NEBL: variants seen among roughly 807,000 people sequenced by gnomAD.
NEBL encodes nebulette.
NEBL carries 122 observed loss-of-function variants against 140.2 expected under a neutral mutation model. The observed-to-expected ratio is 0.87, with a 90% CI of 0.75 to 1.01. The LOEUF is 1.01. Among genes scored for constraint, NEBL ranks in the 50% least tolerant of loss-of-function variants. The probability of loss-of-function intolerance (pLI) is 0.00; values close to 1 mark genes in which losing one functional copy is unlikely to be tolerated. For missense variants in NEBL, 1,365 were observed against 1,231.3 expected (o/e 1.11, Z -1.62); for synonymous variants, 436 against 398.9 (o/e 1.09, Z -1.11).
chr10:20,926,774 C>G (rs563862558), intron 4 of NEBL, among the ~76,000 whole-genome samples: 2 of 152,172 alleles, frequency 1.3e-5, no homozygotes. Context: ...GCTGAATAAG[C>G]TTTGCTAACA....
At chr10:21,142,042 G>C (rs766422541) in intron 2 of NEBL, among the ~76,000 whole-genome samples, 12 of 152,240 alleles carry the variant, frequency 7.9e-5, no homozygotes, top group Non-Finnish European at 1.3e-4. Context: ...CGGGATTAAA[G>C]GGTTTTGAAT....
At chr10:21,098,370 T>C (rs1837301613) in intron 2 of NEBL, among the ~76,000 whole-genome samples, 1 of 152,200 alleles carries the variant, frequency 6.6e-6, no homozygotes, top group Admixed American at 6.5e-5. Context: ...CCTACAACTC[T>C]TCCTATCACA....
chr10:21,125,750 A>T (rs1838793687), intron 2 of NEBL: 1 of 1,153,702 alleles, frequency 8.7e-7, no homozygotes, highest in Non-Finnish European at 1.3e-6. Context: ...CAGGGCACGG[A>T]TGGAAACAGA....
chr10:21,239,299 T>A (rs1030913213), intron 3 of NEBL, among the ~76,000 whole-genome samples: 1 of 152,140 alleles, frequency 6.6e-6, no homozygotes, highest in Non-Finnish European at 1.5e-5. Flanking sequence ...GATGTTCAGA[T>A]GCTGAATAGT....
intron 11 of NEBL, among the ~76,000 whole-genome samples, chr10:20,848,682 T>C (rs1182811276): frequency 1.3e-5 from 2 of 152,186 alleles, no homozygotes; most frequent in African/African-American, 4.8e-5. Context: ...TAAAGCCTGA[T>C]GATCTGAGAT....
chr10:21,286,013 C>T (rs1420656899), intron 1 of NEBL, among the ~76,000 whole-genome samples: 1 of 152,212 alleles, frequency 6.6e-6, no homozygotes, highest in East Asian at 1.9e-4. Context: ...TGGCTTTTTA[C>T]ATCACCGCTC....
intron 2 of NEBL, among the ~76,000 whole-genome samples, chr10:21,156,326 TAACTC>T (rs1184126669): frequency 1.3e-5 from 2 of 152,190 alleles, no homozygotes; most frequent in African/African-American, 4.8e-5. Context: ...ATCAAAAAAT[TAACTC>T]AACAGTATTT....
intron 2 of NEBL, among the ~76,000 whole-genome samples, chr10:20,894,235 C>T (rs1353380513): frequency 1.3e-5 from 2 of 152,018 alleles, no homozygotes; most frequent in Non-Finnish European, 2.9e-5. Context: ...TCTGGGAGAA[C>T]GATGCAGGAG....
intron 2 of NEBL, among the ~76,000 whole-genome samples, chr10:21,250,492 C>G (rs1031090823): frequency 6.6e-6 from 1 of 152,108 alleles, no homozygotes; most frequent in East Asian, 1.9e-4. Context: ...AATAAACCAC[C>G]CTTTATATAT....
At chr10:21,065,777 G>A (rs1373530979) in intron 2 of NEBL, among the ~76,000 whole-genome samples, 1 of 152,108 alleles carries the variant, frequency 6.6e-6, no homozygotes, top group Non-Finnish European at 1.5e-5. Context: ...GGCTAGTAAT[G>A]GTGCATCACC....
In NEBL at chr10:21,205,746, C is replaced by T. The variant is rs555655884; in HGVS notation, n.349-33269G>A. ...ATATTTAGGTATATTTATGATTGCT[C>T]TATAATAAGTATTAGATACTAACCA... is the stretch of plus-strand genomic sequence containing the variant. On this transcript the variant is annotated intron_variant and non_coding_transcript_variant, in intron 3 of 8. Coordinates refer to the NEBL transcript ENST00000675702. 2.9e-4 allele frequency among the ~76,000 whole-genome samples: 44 copies of T among 152,094 alleles called. 3 individuals are homozygous for T. The highest frequency in any genetic ancestry group is 1.0e-3 in the African/African-American group (43 of 41,500).
intron 1 of NEBL, among the ~76,000 whole-genome samples, chr10:21,276,408 C>G (rs1193584596): frequency 6.6e-6 from 1 of 152,204 alleles, no homozygotes; most frequent in Non-Finnish European, 1.5e-5. Flanking sequence ...TAGTGTAGCC[C>G]TGGTGTGGCT....
Position 20,968,556 on chromosome 10 carries a change from T to C in NEBL, c.250-6777A>G, listed in dbSNP as rs151028038. Among the ~76,000 whole-genome samples, 239 of 152,144 alleles carry C rather than the reference T, an allele frequency of 1.6e-3. 1 individual carries two copies. The highest frequency in any genetic ancestry group is 5.4e-3 in the African/African-American group (223 of 41,516). ...ATAAATATGGAGGAGGGAGGAATCA[T>C]AGAAGTTCAAGGGGATGCGTCGCAT... On this transcript the variant is annotated intron_variant, in intron 3 of 6. Coordinates refer to the NEBL transcript ENST00000417816.
Position 21,009,398 on chromosome 10 carries a change from G to A in NEBL, c.249+10719C>T, listed in dbSNP as rs537683427. Among the ~76,000 whole-genome samples, 194 of 152,262 alleles carry A rather than the reference G, an allele frequency of 1.3e-3. 1 individual carries two copies. Among genetic ancestry groups the A allele is most frequent in the Non-Finnish European group, 1.6e-3 (108 of 68,002 alleles). ...ACAGATCATGGATTCCTGTAAATAA[G>A]AAAAATTCCACAGAAACAGGAGCTC... On this transcript the variant is annotated intron_variant, in intron 3 of 6. Coordinates refer to the NEBL transcript ENST00000417816.
chr10:20,836,679 C>A (rs1335562260), intron 13 of NEBL, among the ~76,000 whole-genome samples: 1 of 152,044 alleles, frequency 6.6e-6, no homozygotes, highest in African/African-American at 2.4e-5. Flanking sequence ...CTCTCCTATT[C>A]CTGTGTGGAA....
intron 2 of NEBL, among the ~76,000 whole-genome samples, chr10:21,120,822 C>T (rs1484353617): frequency 6.6e-6 from 1 of 151,872 alleles, no homozygotes; most frequent in African/African-American, 2.4e-5. Flanking sequence ...ATACACACAA[C>T]TCTGCGTCGG....
intron 4 of NEBL, among the ~76,000 whole-genome samples, chr10:20,938,323 A>C (rs1039663311): frequency 1.4e-4 from 21 of 152,316 alleles, no homozygotes; most frequent in African/African-American, 5.1e-4. Context: ...ATACCCAGGG[A>C]AACACGGTCT....
At chr10:21,103,456 G>A (rs1411963991) in intron 2 of NEBL, among the ~76,000 whole-genome samples, 2 of 151,980 alleles carry the variant, frequency 1.3e-5, no homozygotes, top group Non-Finnish European at 2.9e-5. Flanking sequence ...CTCCTGATCC[G>A]CCCACCTTGG....
At position 20,808,571 on chromosome 10, in the gene NEBL, G is replaced by C; in HGVS notation, c.2700C>G (p.Ile900Met). The stretch of plus-strand genomic sequence containing the variant: ...ATGAAAAGCTAGGGTAAATCTCGGA[G>C]ATTTCTGACCTGTCGTCTCCGAGAC... ...GTGLGDDRSE[I>M]SEIYPSFSCC... is the part of the protein sequence containing the mutation. Residue 900 changes from isoleucine to methionine, a missense_variant, in exon 26 of 28, where the codon ATC becomes ATG. Physicochemically the swap from Ile to Met is conservative, Grantham distance 10. This residue lies in a region of NEBL where 1,323 missense variants were observed against 1,154.8 expected (regional missense o/e 1.15). Coordinates refer to ENST00000377122, the MANE Select transcript of NEBL (RefSeq NM_006393.3). The C allele has an allele frequency of 6.2e-7, 1 of 1,613,968 alleles. No individual in the cohort carries two copies. Among genetic ancestry groups the C allele is most frequent in the Non-Finnish European group, 8.5e-7 (1 of 1,179,890 alleles).
Sources: gnomAD v4.1 joint callset for allele counts (sites outside exome capture counted in the v4.1 genomes callset) on GRCh38, gnomAD v4.1.1 for gene constraint, gnomAD v4.1.1 regional missense constraint, MANE v1.5 for transcripts, NCBI Gene and HGNC (gene_info 2026-07-23, HGNC 2026-07-21) for gene names.